GRIK2: variants seen among roughly 807,000 people sequenced by gnomAD.
GRIK2 encodes the protein glutamate receptor ionotropic, kainate 2.
A neutral mutation model predicts 100.3 loss-of-function variants in GRIK2; 32 were observed. That is an observed-to-expected ratio of 0.32 (90% CI 0.24 to 0.43). GRIK2 has a LOEUF of 0.43. Among genes scored for constraint, GRIK2 ranks in the 20% least tolerant of loss-of-function variants. The probability of loss-of-function intolerance (pLI) is 1.00; values close to 1 mark genes in which losing one functional copy is unlikely to be tolerated. For missense variants in GRIK2, 843 were observed against 1,114.9 expected, an observed-to-expected ratio of 0.76 and a Z score of 3.47; for synonymous variants, 417 against 389.4, an observed-to-expected ratio of 1.07 and a Z score of -0.83.
chr6:101,396,269 T>C (rs1775007173), intron 1 of GRIK2, among the ~76,000 whole-genome samples: 1 of 141,536 alleles, frequency 7.1e-6, no homozygotes, highest in South Asian at 2.6e-4. Context: ...AGTGAGTGAG[T>C]TTAATGTGAA....
intron 2 of GRIK2, among the ~76,000 whole-genome samples, chr6:101,472,693 A>G (rs1266903807): frequency 6.6e-6 from 1 of 151,786 alleles, no homozygotes; most frequent in African/African-American, 2.4e-5. Flanking sequence ...GGCACAATAC[A>G]TAATTACAAT....
At chr6:101,429,034 C>T (rs1769227622) in intron 2 of GRIK2, among the ~76,000 whole-genome samples, 1 of 152,180 alleles carries the variant, frequency 6.6e-6, no homozygotes, top group African/African-American at 2.4e-5. Flanking sequence ...GACATTTGCA[C>T]CTCAACCTGA....
At chr6:101,941,170 A>T (rs1268918771) in intron 14 of GRIK2, among the ~76,000 whole-genome samples, 2 of 152,096 alleles carry the variant, frequency 1.3e-5, no homozygotes. Context: ...TTAAATTGAA[A>T]TGCATACTAT....
intron 15 of GRIK2, among the ~76,000 whole-genome samples, chr6:102,049,798 A>G (rs942145662): frequency 1.3e-5 from 2 of 152,188 alleles, no homozygotes; most frequent in African/African-American, 4.8e-5. Flanking sequence ...AGCATACAGA[A>G]GCTTGATTTG....
intron 14 of GRIK2, among the ~76,000 whole-genome samples, chr6:101,940,607 G>T (rs1364208449): frequency 1.3e-5 from 2 of 152,072 alleles, no homozygotes; most frequent in African/African-American, 4.8e-5. Flanking sequence ...TCCTGGAAAT[G>T]AGGTTGCAGT....
At chr6:101,959,259 A>G (rs1792135825) in intron 14 of GRIK2, among the ~76,000 whole-genome samples, 2 of 151,922 alleles carry the variant, frequency 1.3e-5, no homozygotes, top group South Asian at 2.1e-4. Flanking sequence ...CTGTTGGACA[A>G]TTTTTTCATT....
At chr6:101,823,769 A>G (rs1782117594) in intron 10 of GRIK2, among the ~76,000 whole-genome samples, 1 of 151,706 alleles carries the variant, frequency 6.6e-6, no homozygotes, top group Non-Finnish European at 1.5e-5. Flanking sequence ...TATGGGAAGT[A>G]TCAGGGGACT....
At chr6:101,581,674 A>G (rs1582762977) in intron 2 of GRIK2, among the ~76,000 whole-genome samples, 1 of 152,178 alleles carries the variant, frequency 6.6e-6, no homozygotes, top group South Asian at 2.1e-4. Context: ...AGAATACTCC[A>G]TGCCTTCCAG....
At position 101,553,435 on chromosome 6, in the gene GRIK2, A is replaced by G. The variant is rs943267525; in HGVS notation, c.116-68514A>G. Among the ~76,000 whole-genome samples, 74 of 152,372 alleles carry G rather than the reference A, an allele frequency of 4.9e-4. No individual in the cohort carries two copies. The Middle Eastern group carries it at 0.01, about 21-fold the overall frequency. ...AGAATTATTTTGTTTATACTCTGCT[A>G]TAACCTAACTTAAGAATTTACATTT... On this transcript the variant is annotated intron_variant, in intron 2 of 16. Transcript: ENST00000369134.
chr6:101,883,954 T>G (rs2128454787), intron 11 of GRIK2, among the ~76,000 whole-genome samples: 1 of 152,246 alleles, frequency 6.6e-6, no homozygotes, highest in South Asian at 2.1e-4. Context: ...TGGTATGTGT[T>G]TTAGAAAGAA....
chr6:101,956,009 C>T (rs1791914919), intron 14 of GRIK2, among the ~76,000 whole-genome samples: 1 of 151,776 alleles, frequency 6.6e-6, no homozygotes, highest in South Asian at 2.1e-4. Context: ...GGTCATTTTT[C>T]TTTTTAAATA....
chr6:101,824,743 G>A (rs1349548655), intron 10 of GRIK2, among the ~76,000 whole-genome samples: 2 of 152,124 alleles, frequency 1.3e-5, no homozygotes, highest in African/African-American at 4.8e-5. Flanking sequence ...ACTTGCTCCT[G>A]AAAACTTAGT....
At chr6:101,424,965 A>G (rs2852518) in intron 2 of GRIK2, among the ~76,000 whole-genome samples, 120,947 of 151,520 alleles carry the variant, frequency 0.8, 48,872 homozygotes, top group East Asian at 0.97. Context: ...CCAGTCTATC[A>G]TTGTTGGACA....
At chr6:101,680,274 A>G (rs544651245) in intron 5 of GRIK2, among the ~76,000 whole-genome samples, 1 of 152,328 alleles carries the variant, frequency 6.6e-6, no homozygotes, top group Admixed American at 6.5e-5. Context: ...AATTTGATGC[A>G]CTTGCCTGAG....
chr6:101,988,125 G>A (rs1191064170), intron 14 of GRIK2, among the ~76,000 whole-genome samples: 1 of 23,734 alleles, frequency 4.2e-5, no homozygotes, highest in Non-Finnish European at 8.3e-5. Flanking sequence ...GTGTGTGTGT[G>A]TGTGTGTGCG....
intron 16 of GRIK2, among the ~76,000 whole-genome samples, chr6:102,062,951 C>T (rs964453374): frequency 1.3e-5 from 2 of 150,572 alleles, no homozygotes; most frequent in African/African-American, 2.4e-5. Context: ...CAACTAATCA[C>T]AGTGACTGTT....
intron 9 of GRIK2, among the ~76,000 whole-genome samples, 156 bp downstream of exon 9, chr6:101,802,594 CAATT>C (rs1297196563): frequency 6.6e-6 from 1 of 151,698 alleles, no homozygotes; most frequent in Non-Finnish European, 1.5e-5. Flanking sequence ...TAATAATTGA[CAATT>C]AGGATTCAAG....
At chr6:101,612,716 ATGTGTGTGTGTG>A (rs139709674) in intron 2 of GRIK2, among the ~76,000 whole-genome samples, 58 of 143,430 alleles carry the variant, frequency 4.0e-4, no homozygotes, top group Admixed American at 1.4e-3. Flanking sequence ...GTATGTGTTA[ATGTGTGTGTGTG>A]TGTGTGTGTG....
intron 2 of GRIK2, among the ~76,000 whole-genome samples, chr6:101,539,452 A>C (rs1038885805): frequency 6.6e-6 from 1 of 151,772 alleles, no homozygotes; most frequent in African/African-American, 2.4e-5. Flanking sequence ...ACATGATGAA[A>C]TCAGAAAATT....
Sources: gnomAD v4.1 joint callset for allele counts (sites outside exome capture counted in the v4.1 genomes callset) on GRCh38, gnomAD v4.1.1 for gene constraint, MANE v1.5 for transcripts, NCBI Gene and HGNC (gene_info 2026-07-23, HGNC 2026-07-21) for gene names.